The following DNAAF9 variants were observed in gnomAD, a reference collection of about 807,000 sequenced individuals.
DNAAF9 encodes dynein axonemal assembly factor 9.
DNAAF9 carries 90 observed loss-of-function variants against 167.0 expected under a neutral mutation model. That is an observed-to-expected ratio of 0.54 (90% CI 0.45 to 0.64). The LOEUF (loss-of-function observed/expected upper bound fraction) is 0.64. DNAAF9 is among the 30% of genes least tolerant of loss of function. DNAAF9 has a pLI of 0.00. For missense variants in DNAAF9, 1,315 were observed against 1,442.2 expected, an observed-to-expected ratio of 0.91 and a Z score of 1.43; for synonymous variants, 491 against 508.8, an observed-to-expected ratio of 0.96 and a Z score of 0.47.
At chr20:3,365,250 C>T (rs996723919) in intron 6 of DNAAF9, among the ~76,000 whole-genome samples, 20 of 152,206 alleles carry the variant, frequency 1.3e-4, no homozygotes, top group Admixed American at 2.6e-4. Context: ...GCTAGGATTA[C>T]AGGCACAATC....
chr20:3,317,193 C>T (rs761150052), intron 17 of DNAAF9, among the ~76,000 whole-genome samples: 93 of 151,864 alleles, frequency 6.1e-4, no homozygotes, highest in Non-Finnish European at 6.5e-4. Flanking sequence ...AAAACCCCGT[C>T]TCTACAAAAA....
intron 3 of DNAAF9, among the ~76,000 whole-genome samples, chr20:3,379,519 C>A (rs1229762904): frequency 6.6e-6 from 1 of 151,724 alleles, no homozygotes; most frequent in Admixed American, 6.6e-5. Context: ...CACCAGGAGG[C>A]AGAGGCTGCA....
intron 16 of DNAAF9, 139 bp downstream of exon 16, chr20:3,322,078 C>T (rs1346999619): frequency 1.5e-6 from 1 of 649,350 alleles, no homozygotes; most frequent in Non-Finnish European, 2.8e-6. Context: ...CCTGCTATGG[C>T]TGGGATAGGA....
At chr20:3,336,006 C>T (rs2069933845) in intron 10 of DNAAF9, among the ~76,000 whole-genome samples, 1 of 151,948 alleles carries the variant, frequency 6.6e-6, no homozygotes, top group Middle Eastern at 3.4e-3. Flanking sequence ...ACTTGTAGTC[C>T]CAGCTACTTA....
At chr20:3,353,640 C>T (rs372685371) in intron 7 of DNAAF9, among the ~76,000 whole-genome samples, 21 of 129,356 alleles carry the variant, frequency 1.6e-4, no homozygotes, top group African/African-American at 4.8e-4. Context: ...CGCACCACCC[C>T]CCCCCCCGCA....
intron 6 of DNAAF9, among the ~76,000 whole-genome samples, chr20:3,372,958 T>C (rs983606521): frequency 6.6e-6 from 1 of 152,248 alleles, no homozygotes; most frequent in African/African-American, 2.4e-5. Flanking sequence ...AAGTTTCTTC[T>C]CTAACCCCTA....
intron 31 of DNAAF9, among the ~76,000 whole-genome samples, chr20:3,261,726 ATTC>A (rs1213682148): frequency 3.3e-5 from 5 of 149,980 alleles, no homozygotes; most frequent in African/African-American, 1.2e-4. Context: ...AAAGTATCTT[ATTC>A]TTCTTAATTT....
intron 6 of DNAAF9, chr20:3,361,915 G>A (rs1023740188): frequency 1.3e-6 from 2 of 1,505,924 alleles, no homozygotes; most frequent in African/African-American, 2.8e-5. Flanking sequence ...GGTGGCTGAG[G>A]GAGTTTCATA....
chr20:3,363,838 A>T (rs2083396707), intron 6 of DNAAF9, among the ~76,000 whole-genome samples: 1 of 152,098 alleles, frequency 6.6e-6, no homozygotes. Context: ...TTTCTTTAGC[A>T]TTATTCAATC....
intron 1 of DNAAF9, among the ~76,000 whole-genome samples, chr20:3,389,894 G>A (rs1165228663): frequency 6.6e-6 from 1 of 152,142 alleles, no homozygotes; most frequent in African/African-American, 2.4e-5. Context: ...AAATTAGCCT[G>A]GCGTGATGGC....
chr20:3,280,539 T>C (rs933011934), intron 28 of DNAAF9, among the ~76,000 whole-genome samples: 1 of 149,716 alleles, frequency 6.7e-6, no homozygotes, highest in African/African-American at 2.5e-5. Flanking sequence ...CACTCCAACC[T>C]GGGCAACAAG....
intron 25 of DNAAF9, among the ~76,000 whole-genome samples, chr20:3,291,859 C>G (rs2068961097): frequency 6.6e-6 from 1 of 152,096 alleles, no homozygotes. Context: ...ACCCCTCAGG[C>G]AGTACTCCAT....
chr20:3,377,052 G>C (rs1014636013), intron 3 of DNAAF9, among the ~76,000 whole-genome samples: 1 of 152,094 alleles, frequency 6.6e-6, no homozygotes, highest in Non-Finnish European at 1.5e-5. Flanking sequence ...CTGGGCGACA[G>C]AGTGAGACTC....
intron 1 of DNAAF9, among the ~76,000 whole-genome samples, chr20:3,393,908 T>G (rs1391191067): frequency 6.6e-6 from 1 of 152,392 alleles, no homozygotes; most frequent in Admixed American, 6.5e-5. Flanking sequence ...ACTTCCCTAA[T>G]TACAAGGGAA....
At position 3,407,457 on chromosome 20, in the gene DNAAF9, T is replaced by C. The variant is rs1440573018; in HGVS notation, c.83+18A>G. ...ATCCCCCGCCCGGCCGCCCCTCGGC[T>C]GCCTCTGCCCCGCGTACCTGACGGA... On this transcript the variant is annotated intron_variant, in intron 1 of 36. Coordinates refer to ENST00000252032, the MANE Select transcript of DNAAF9 (RefSeq NM_001009984.3). 3.1e-5 allele frequency: 40 copies of C among 1,302,904 alleles called. No homozygotes were observed. Among genetic ancestry groups the C allele is most frequent in the Non-Finnish European group, 3.9e-5 (40 of 1,028,492 alleles). 80.7% of individuals were successfully genotyped at this position (1,302,904 alleles called of 1,614,324 possible). A position where few individuals can be genotyped will look rare whatever the true frequency, so the allele number is the denominator to read the frequency against.
At chr20:3,283,792 TAG>T (rs3082547) in intron 27 of DNAAF9, among the ~76,000 whole-genome samples, 29,290 of 152,122 alleles carry the variant, frequency 0.19, 3,040 homozygotes, top group African/African-American at 0.24. Context: ...GTGTAAGCAG[TAG>T]AGACTCATTT....
chr20:3,259,382 A>G (rs1330807697), intron 33 of DNAAF9, 98 bp downstream of exon 33: 1 of 839,888 alleles, frequency 1.2e-6, no homozygotes, highest in Non-Finnish European at 2.1e-6. Flanking sequence ...TCTGAGCAGC[A>G]TCAGTGGTCT....
At chr20:3,353,097 TAATA>T (rs1006072608) in intron 7 of DNAAF9, among the ~76,000 whole-genome samples, 45 of 142,996 alleles carry the variant, frequency 3.1e-4, no homozygotes, top group Admixed American at 1.8e-3. Flanking sequence ...AGATGTTATA[TAATA>T]TATACAGATA....
At chr20:3,264,564 T>A in intron 30 of DNAAF9, 40 bp from the exon 31 acceptor site, 2 of 972,728 alleles carry the variant, frequency 2.1e-6, no homozygotes, top group Admixed American at 1.9e-5. Flanking sequence ...TAATTAGGAC[T>A]GTCAATCTCT....
Sources: allele counts gnomAD v4.1 joint callset (sites outside exome capture counted in the v4.1 genomes callset), GRCh38; gene constraint gnomAD v4.1.1; transcripts MANE v1.5; gene names NCBI Gene and HGNC (gene_info 2026-07-23, HGNC 2026-07-21).